The following DENND1A variants were observed in gnomAD, a reference collection of about 807,000 sequenced individuals.
DENND1A encodes DENN domain-containing protein 1A.
A neutral mutation model predicts 113.7 loss-of-function variants in DENND1A; 51 were observed. The observed-to-expected ratio is 0.45, with a 90% CI of 0.36 to 0.57. DENND1A has a LOEUF of 0.57. Among genes scored for constraint, DENND1A ranks in the 20% least tolerant of loss-of-function variants. The pLI is 0.00. For synonymous variants in DENND1A, 565 were observed against 570.8 expected, an observed-to-expected ratio of 0.99 and a Z score of 0.14; for missense variants, 1,258 against 1,395.9, an observed-to-expected ratio of 0.90 and a Z score of 1.57.
intron 11 of DENND1A, among the ~76,000 whole-genome samples, chr9:123,587,565 G>A (rs1244962614): frequency 5.3e-5 from 8 of 152,150 alleles, no homozygotes; most frequent in East Asian, 1.9e-4. Context: ...ATGGACAGGC[G>A]TCCCCCCATG....
At chr9:123,682,019 C>T (rs928362135) in intron 5 of DENND1A, among the ~76,000 whole-genome samples, 1 of 152,060 alleles carries the variant, frequency 6.6e-6, no homozygotes, top group African/African-American at 2.4e-5. Flanking sequence ...ATCTGCATGA[C>T]AGGCAGAAGA....
chr9:123,753,460 T>C (rs2070242630), intron 5 of DENND1A, among the ~76,000 whole-genome samples: 1 of 152,242 alleles, frequency 6.6e-6, no homozygotes, highest in Non-Finnish European at 1.5e-5. Flanking sequence ...TATCACTCAA[T>C]ATTGAACCTC....
At chr9:123,768,865 A>C (rs1254318225) in intron 4 of DENND1A, among the ~76,000 whole-genome samples, 4 of 150,986 alleles carry the variant, frequency 2.6e-5, no homozygotes, top group Admixed American at 6.6e-5. Context: ...AAAAAAAAAA[A>C]CCTCAGACTA....
chr9:123,381,582 TGGCTCCAGGCCTTGAGGGGGCCTG>T lies in DENND1A; in HGVS notation c.3039_3062del (p.Arg1014_Pro1021del). ...GTTGAGGAGCAGAGGGCTGCAGTGTTGGCTCCAGGCCTTGAGGGGGCCTGGGAGGCAGAAGCGGGGGGTCTCCAG... is the reference window on the plus strand; with the variant it reads ...GTTGAGGAGCAGAGGGCTGCAGTGTTGGAGGCAGAAGCGGGGGGTCTCCAG... On this transcript the variant is annotated inframe_deletion, in exon 24 of 24. Transcript: ENST00000394215. This position sits in a 1 kb window ranked among gnomAD's most constrained non-coding sequence, Gnocchi z 4.7. 1 of 1,613,504 alleles carries T rather than the reference TGGCTCCAGGCCTTGAGGGGGCCTG, an allele frequency of 6.2e-7. No homozygotes were observed. The highest frequency in any genetic ancestry group is 8.5e-7 in the Non-Finnish European group (1 of 1,179,930).
rs1451973087 is a variant in DENND1A at position 123,872,617 on chromosome 9, A to C, written c.88+6334T>G. 2.0e-5 allele frequency among the ~76,000 whole-genome samples: 3 copies of C among 152,312 alleles called. No homozygotes were observed. The East Asian group carries it at 5.8e-4, about 29-fold the overall frequency. On this transcript the variant is annotated intron_variant, in intron 2 of 23. Coordinates refer to ENST00000394215, the MANE Select transcript of DENND1A (RefSeq NM_001352964.2). ...TTTTTCTCTTGTTCATCATTTTCCAAGAAGTTTAAAATTTTACATACTCAA... is the reference window on the plus strand; with the variant it reads ...TTTTTCTCTTGTTCATCATTTTCCACGAAGTTTAAAATTTTACATACTCAA...
chr9:123,760,815 G>C (rs915890534), intron 4 of DENND1A, among the ~76,000 whole-genome samples: 7 of 152,180 alleles, frequency 4.6e-5, no homozygotes, highest in Non-Finnish European at 8.8e-5. Context: ...GGCCTCAATG[G>C]GGGAGGGGAA....
intron 5 of DENND1A, among the ~76,000 whole-genome samples, chr9:123,699,691 T>TTC (rs1554965320): frequency 4.0e-4 from 50 of 124,620 alleles, no homozygotes; most frequent in African/African-American, 1.1e-3. Flanking sequence ...TTTCTTTCTT[T>TTC]TTTTTTTTTT....
intron 5 of DENND1A, among the ~76,000 whole-genome samples, chr9:123,704,656 A>G (rs2066076604): frequency 6.6e-6 from 1 of 152,192 alleles, no homozygotes; most frequent in South Asian, 2.1e-4. Context: ...TTTGTGGACA[A>G]CTAAAATAAT....
chr9:123,756,373 TTAA>T (rs1366346042), intron 5 of DENND1A, among the ~76,000 whole-genome samples: 1 of 152,136 alleles, frequency 6.6e-6, no homozygotes, highest in Non-Finnish European at 1.5e-5. Flanking sequence ...AAATTTTTCT[TTAA>T]AAAGAAAAAG....
intron 22 of DENND1A, among the ~76,000 whole-genome samples, chr9:123,385,657 A>G (rs1478889428): frequency 1.9e-4 from 29 of 152,318 alleles, no homozygotes; most frequent in Non-Finnish European, 4.4e-5. Context: ...GGACTCCATC[A>G]TGTACTCTCT....
chr9:123,618,926 A>C (rs1184350352), intron 10 of DENND1A, among the ~76,000 whole-genome samples: 1 of 152,194 alleles, frequency 6.6e-6, no homozygotes, highest in African/African-American at 2.4e-5. Flanking sequence ...GTACTTTAAA[A>C]GGCTAAAAAA....
At chr9:123,735,891 C>T (rs767470935) in intron 5 of DENND1A, among the ~76,000 whole-genome samples, 4 of 152,008 alleles carry the variant, frequency 2.6e-5, no homozygotes, top group Non-Finnish European at 5.9e-5. Flanking sequence ...CCCAGCTACT[C>T]GGGAGGCTGT....
intron 22 of DENND1A, 94 bp downstream of exon 22, chr9:123,387,636 A>C: frequency 1.1e-4 from 105 of 937,302 alleles, no homozygotes; most frequent in Non-Finnish European, 1.4e-4. Flanking sequence ...TCCCCCCGAC[A>C]CAAAGGCAAG....
At chr9:123,504,035 A>G (rs529143240) in intron 13 of DENND1A, among the ~76,000 whole-genome samples, 8 of 152,278 alleles carry the variant, frequency 5.3e-5, no homozygotes, top group African/African-American at 1.4e-4. Context: ...AGGAACTTCT[A>G]TGATTCTGAG....
At position 123,450,880 on chromosome 9, in the gene DENND1A, G is replaced by A. The variant is rs146999500; in HGVS notation, c.1300-131C>T. ...GAAGGAAAAATGGGATCATCAAGTC[G>A]AAAACATAATGGCTATGAAAACAAA... On this transcript the variant is annotated intron_variant, in intron 17 of 23. Transcript: ENST00000394215. 509 of 653,478 alleles carry A rather than the reference G, an allele frequency of 7.8e-4. 2 individuals are homozygous for A. Among genetic ancestry groups the A allele is most frequent in the African/African-American group, 7.6e-3 (407 of 53,368 alleles). The allele number at this position is 653,478 out of a possible 1,614,324, so 40.5% of individuals were successfully genotyped here.
chr9:123,855,935 G>C (rs1844112183), intron 2 of DENND1A, among the ~76,000 whole-genome samples: 1 of 152,134 alleles, frequency 6.6e-6, no homozygotes, highest in African/African-American at 2.4e-5. Flanking sequence ...TACTCGGGAG[G>C]CTGAGGCAGG....
intron 13 of DENND1A, among the ~76,000 whole-genome samples, chr9:123,523,613 T>C (rs1264137848): frequency 6.6e-6 from 1 of 152,200 alleles, no homozygotes; most frequent in Non-Finnish European, 1.5e-5. Context: ...AGTTAACCTA[T>C]TTCTCATGAA....
chr9:123,741,598 C>G (rs1191939891), intron 5 of DENND1A, among the ~76,000 whole-genome samples: 1 of 152,158 alleles, frequency 6.6e-6, no homozygotes, highest in African/African-American at 2.4e-5. Flanking sequence ...CCTTAGGGTT[C>G]TTTTGATAGG....
At chr9:123,525,410 AACATGCTAACC>A (rs2054746407) in intron 13 of DENND1A, among the ~76,000 whole-genome samples, 1 of 152,216 alleles carries the variant, frequency 6.6e-6, no homozygotes, top group South Asian at 2.1e-4. Context: ...ATCTCTGAAA[AACATGCTAACC>A]ATCAAAACTC....
Sources: allele counts gnomAD v4.1 joint callset (sites outside exome capture counted in the v4.1 genomes callset), GRCh38; gene constraint gnomAD v4.1.1; non-coding constraint Gnocchi (gnomAD v3.1); transcripts MANE v1.5; gene names NCBI Gene and HGNC (gene_info 2026-07-23, HGNC 2026-07-21).